LINGO2: variants seen among roughly 807,000 people sequenced by gnomAD.
LINGO2 encodes leucine rich repeat and Ig domain containing 2.
LINGO2 carries 14 observed loss-of-function variants against 30.6 expected under a neutral mutation model. The ratio of observed to expected loss-of-function variants is 0.46; its 90% CI spans 0.30 to 0.72. LINGO2 has a LOEUF of 0.72. LINGO2 is among the 30% of genes least tolerant of loss of function. The pLI, the probability that LINGO2 is intolerant of heterozygous loss-of-function variation, is 0.07. For synonymous variants in LINGO2, 317 were observed against 288.5 expected, an observed-to-expected ratio of 1.10 and a Z score of -1.00; for missense variants, 729 against 751.7, an observed-to-expected ratio of 0.97 and a Z score of 0.35.
chr9:28,577,962 C>T (rs1053275997), intron 1 of LINGO2, among the ~76,000 whole-genome samples: 2 of 152,116 alleles, frequency 1.3e-5, no homozygotes, highest in African/African-American at 2.4e-5. Flanking sequence ...GAGAAAGTGA[C>T]AGCATATGGG....
At chr9:28,490,042 C>A (rs893866484) in intron 1 of LINGO2, among the ~76,000 whole-genome samples, 1 of 150,650 alleles carries the variant, frequency 6.6e-6, no homozygotes, top group South Asian at 2.1e-4. Flanking sequence ...AATCAAAGAG[C>A]AAGAAAGTGC....
chr9:28,745,398 G>C, the LINGO2 span, among the ~76,000 whole-genome samples: 3 of 151,974 alleles, frequency 2.0e-5, no homozygotes, highest in East Asian at 3.9e-4. Context: ...TCATAATATG[G>C]GGTTGGGGTA....
chr9:28,951,432 TC>T, the LINGO2 span, among the ~76,000 whole-genome samples: 14 of 152,080 alleles, frequency 9.2e-5, no homozygotes, highest in African/African-American at 3.1e-4. Context: ...AGAGGCTTAT[TC>T]TTTCCTGTTC....
At chr9:28,787,168 C>T in the LINGO2 span, among the ~76,000 whole-genome samples, 306 of 152,132 alleles carry the variant, frequency 2.0e-3, 1 homozygote, top group African/African-American at 7.1e-3. Context: ...TGTGCAAGAA[C>T]GAATGAGGAC....
chr9:28,770,275 C>G, the LINGO2 span, among the ~76,000 whole-genome samples: 1 of 152,102 alleles, frequency 6.6e-6, no homozygotes, highest in South Asian at 2.1e-4. Flanking sequence ...CTTTTTCTAG[C>G]AGCTATTGTC....
At chr9:28,783,362 T>C in the LINGO2 span, among the ~76,000 whole-genome samples, 14 of 152,202 alleles carry the variant, frequency 9.2e-5, no homozygotes, top group Non-Finnish European at 1.3e-4. Context: ...TAATACAATA[T>C]AAATGCTGTG....
chr9:28,041,717 A>C (rs551940438), intron 4 of LINGO2, among the ~76,000 whole-genome samples: 3 of 152,340 alleles, frequency 2.0e-5, no homozygotes, highest in South Asian at 2.1e-4. Flanking sequence ...CCAGAGAATT[A>C]TCAGTTCAGG....
At chr9:28,437,544 C>G (rs1823995040) in intron 2 of LINGO2, among the ~76,000 whole-genome samples, 1 of 89,614 alleles carries the variant, frequency 1.1e-5, no homozygotes, top group African/African-American at 5.0e-5. Context: ...CATATACACA[C>G]AGACGCACAC....
the LINGO2 span, among the ~76,000 whole-genome samples, chr9:28,988,537 T>C: frequency 6.6e-6 from 1 of 152,186 alleles, no homozygotes; most frequent in Non-Finnish European, 1.5e-5. Flanking sequence ...CTCACAGCAA[T>C]TACTGATATG....
the LINGO2 span, among the ~76,000 whole-genome samples, chr9:29,033,996 C>T: frequency 6.6e-6 from 1 of 151,866 alleles, no homozygotes; most frequent in African/African-American, 2.4e-5. Context: ...AGAGGAGAAT[C>T]ACTTGAACCC....
chr9:29,119,429 T>TG, the LINGO2 span, among the ~76,000 whole-genome samples: 1 of 151,272 alleles, frequency 6.6e-6, no homozygotes, highest in East Asian at 1.9e-4. Context: ...GAGAAATTGC[T>TG]GGAAAAAAAA....
the LINGO2 span, among the ~76,000 whole-genome samples, chr9:28,754,017 A>C: frequency 7.5e-5 from 11 of 146,022 alleles, 1 homozygote; most frequent in African/African-American, 2.0e-4. Flanking sequence ...CACACACACA[A>C]ACACACACAC....
intron 4 of LINGO2, among the ~76,000 whole-genome samples, chr9:28,157,114 A>AG (rs1828153265): frequency 6.6e-6 from 1 of 152,172 alleles, no homozygotes; most frequent in South Asian, 2.1e-4. Context: ...CTTCAACCCC[A>AG]CATTTCCCTT....
chr9:28,938,519 T>G, the LINGO2 span, among the ~76,000 whole-genome samples: 5 of 152,148 alleles, frequency 3.3e-5, no homozygotes, highest in African/African-American at 1.2e-4. Flanking sequence ...GGTTGTCCCA[T>G]AAGATTATAA....
intron 1 of LINGO2, among the ~76,000 whole-genome samples, chr9:28,643,310 CA>C (rs887676710): frequency 2.0e-5 from 3 of 151,758 alleles, no homozygotes; most frequent in Non-Finnish European, 4.4e-5. Context: ...TGTACTTAAC[CA>C]AAAAAGCATG....
intron 4 of LINGO2, among the ~76,000 whole-genome samples, chr9:28,101,719 A>C (rs993039): frequency 0.98 from 149,176 of 152,246 alleles, 73,158 homozygotes; most frequent in East Asian, 1. Context: ...CTTGGTTACT[A>C]CTGTATGGGC....
chr9:28,015,759 C>G (rs551006944), intron 4 of LINGO2, among the ~76,000 whole-genome samples: 1 of 151,054 alleles, frequency 6.6e-6, no homozygotes, highest in African/African-American at 2.4e-5. Flanking sequence ...CTCAAAACAA[C>G]CTGAGACTCA....
At chr9:28,866,661 T>C in the LINGO2 span, among the ~76,000 whole-genome samples, 3 of 152,182 alleles carry the variant, frequency 2.0e-5, no homozygotes, top group East Asian at 3.9e-4. Context: ...TGAAGTAGAT[T>C]GATATTTTTG....
intron 3 of LINGO2, among the ~76,000 whole-genome samples, chr9:28,362,718 C>A (rs1255144987): frequency 6.6e-6 from 1 of 152,134 alleles, no homozygotes; most frequent in Non-Finnish European, 1.5e-5. Flanking sequence ...AATCCGCCTG[C>A]CTCAGCCTCC....
Sources: allele counts gnomAD v4.1 joint callset (sites outside exome capture counted in the v4.1 genomes callset), GRCh38; gene constraint gnomAD v4.1.1; transcripts MANE v1.5; gene names NCBI Gene and HGNC (gene_info 2026-07-23, HGNC 2026-07-21).